IQGAP3: variants seen among roughly 807,000 people sequenced by gnomAD.
The protein encoded by IQGAP3 is ras GTPase-activating-like protein IQGAP3.
Under a neutral mutation model 208.2 loss-of-function variants are expected in IQGAP3, and 165 were observed. The observed-to-expected ratio is 0.79, with a 90% CI of 0.70 to 0.90. The LOEUF (loss-of-function observed/expected upper bound fraction) is 0.90. Among genes scored for constraint, IQGAP3 ranks in the 40% least tolerant of loss-of-function variants. IQGAP3 has a pLI of 0.00. For missense variants in IQGAP3, 1,811 were observed against 2,043.1 expected (o/e 0.89, Z 2.19); for synonymous variants, 703 against 803.6 (o/e 0.87, Z 2.12).
Position 156,526,353 on chromosome 1 carries a change from G to A in IQGAP3, c.*133C>T, listed in dbSNP as rs1674057291. 3.0e-6 allele frequency: 2 copies of A among 656,446 alleles called. No individual in the cohort carries two copies. The highest frequency in any genetic ancestry group is 5.4e-5 in the East Asian group (2 of 36,948). 40.7% of individuals were successfully genotyped at this position (656,446 alleles called of 1,614,324 possible). A position where few individuals can be genotyped will look rare whatever the true frequency, so the allele number is the denominator to read the frequency against. On this transcript the variant is annotated 3_prime_UTR_variant, in exon 38 of 38. Coordinates refer to ENST00000361170, the MANE Select transcript of IQGAP3 (RefSeq NM_178229.5). ...AGGCAGGCAAGCTCCTCCCAGCTGG[G>A]GAAGGGGTGAGAATCCCTGGGCCTT... is the stretch of plus-strand genomic sequence containing the variant.
chr1:156,555,747 A>G (rs1006448884), intron 12 of IQGAP3, among the ~76,000 whole-genome samples: 73 of 152,188 alleles, frequency 4.8e-4, no homozygotes, highest in African/African-American at 1.6e-3. Flanking sequence ...AACTTGCCCA[A>G]TGTCACATAG....
In IQGAP3 at chr1:156,530,212, G is replaced by A. The variant is rs1169864817; in HGVS notation, c.4297C>T (p.Leu1433=). 6.2e-7 allele frequency: 1 copy of A among 1,613,374 alleles called. No individual in the cohort carries two copies. The change falls in exon 34 of 38, where the codon CTG becomes TTG. Residue 1433 remains leucine, a synonymous_variant. Transcript: ENST00000361170. ...RSLTAHSLLP[L]AEKQRRVLRN... ...AGGACGCGCCGCTGCTTCTCTGCCA[G>A]TGGCAGGAGGGAGTGAGCTGTCAGT...
At chr1:156,527,538 G>A (rs781478798) in intron 37 of IQGAP3, among the ~76,000 whole-genome samples, 14 of 152,088 alleles carry the variant, frequency 9.2e-5, no homozygotes, top group East Asian at 1.9e-4. Context: ...CAAAAACACC[G>A]TTGCTTCACT....
At position 156,544,405 on chromosome 1, in the gene IQGAP3, AG is replaced by A. The variant is rs770189290; in HGVS notation, c.2371del (p.Leu791TrpfsTer4). On this transcript the variant is annotated frameshift_variant, in exon 20 of 38. Coordinates refer to ENST00000361170, the MANE Select transcript of IQGAP3 (RefSeq NM_178229.5). LOFTEE classifies it high-confidence loss of function. ...CGTAGCTACCTTGATTATGGCATCC[AG>A]GTTTGCTTTAAAATACTGCAACCAC... ...LEWLQYFKAN[L>X]DAIIKIQAWA... is the part of the protein sequence containing the mutation. 8.7e-6 allele frequency: 14 copies of A among 1,613,732 alleles called. No homozygotes were observed. In the African/African-American group the frequency reaches 1.7e-4, roughly 20 times the overall value.
chr1:156,527,741 C>CT (rs1374311229), intron 37 of IQGAP3, among the ~76,000 whole-genome samples: 3 of 152,228 alleles, frequency 2.0e-5, no homozygotes, highest in Non-Finnish European at 2.9e-5. Flanking sequence ...CTCCCTGATG[C>CT]TTGCCAGTGG....
At chr1:156,552,672 C>T (rs1675611812) in intron 13 of IQGAP3, among the ~76,000 whole-genome samples, 1 of 152,240 alleles carries the variant, frequency 6.6e-6, no homozygotes, top group Admixed American at 6.5e-5. Context: ...GCCAAGCCCC[C>T]ATCATCTCTT....
At chr1:156,541,067 A>C (rs760784477) in intron 22 of IQGAP3, 151 bp from the exon 23 acceptor site, 13 of 644,548 alleles carry the variant, frequency 2.0e-5, no homozygotes, top group Non-Finnish European at 3.1e-5. Flanking sequence ...TTCTGCTTGC[A>C]CTTGGAGGGC....
Position 156,548,621 on chromosome 1 carries a change from C to T in IQGAP3, c.1953G>A (p.Gln651=), listed in dbSNP as rs773982347. ...GVVPDCANGY[Q]RALESAMAKK... ...TTGCCATGGCACTTTCCAGGGCTCG[C>T]TGGTAGCCGTTGGCACAGTCGGGAA... The change falls in exon 17 of 38, where the codon CAG becomes CAA. Residue 651 remains glutamine (Q), a synonymous_variant. Coordinates refer to ENST00000361170, the MANE Select transcript of IQGAP3 (RefSeq NM_178229.5). The T allele has an allele frequency of 6.2e-7, 1 of 1,608,794 alleles. No homozygotes were observed. The highest frequency in any genetic ancestry group is 1.1e-5 in the South Asian group (1 of 90,510).
At chr1:156,567,258 T>A (rs988937334) in intron 2 of IQGAP3, among the ~76,000 whole-genome samples, 3 of 152,220 alleles carry the variant, frequency 2.0e-5, no homozygotes, top group Non-Finnish European at 4.4e-5. Flanking sequence ...AGAAAGGTCA[T>A]GTCTGCCTGA....
intron 26 of IQGAP3, among the ~76,000 whole-genome samples, chr1:156,537,950 T>C (rs908680235): frequency 1.3e-5 from 2 of 151,170 alleles, no homozygotes; most frequent in African/African-American, 4.9e-5. Context: ...AGAGCTGGAG[T>C]GCAGTGGTGC....
rs1483083100 is a variant in IQGAP3, at chr1:156,550,369, A to G, written c.1735-18T>C. ...CCTGTCACCTGGCAGATTGAGGGAG[A>G]AAAAAAAGATGTGACCCCAAGCTAG... On this transcript the variant is annotated intron_variant, in intron 15 of 37. Transcript: ENST00000361170. 6.3e-7 allele frequency: 1 copy of G among 1,595,054 alleles called. No homozygotes were observed. The highest frequency in any genetic ancestry group is 8.6e-7 in the Non-Finnish European group (1 of 1,163,964).
At chr1:156,564,363 C>T (rs865916566) in intron 5 of IQGAP3, among the ~76,000 whole-genome samples, 2 of 152,254 alleles carry the variant, frequency 1.3e-5, no homozygotes, top group South Asian at 2.1e-4. Flanking sequence ...AAACTGAAGG[C>T]CCTACCCTGC....
intron 11 of IQGAP3, among the ~76,000 whole-genome samples, chr1:156,559,495 T>G (rs1676048773): frequency 2.0e-5 from 3 of 152,192 alleles, no homozygotes; most frequent in Non-Finnish European, 2.9e-5. Flanking sequence ...GTACCTACAG[T>G]GCACTGCTGT....
rs371804727 is a variant in IQGAP3 at position 156,531,659 on chromosome 1, C to T, written c.4104-412G>A. Among the ~76,000 whole-genome samples, 9 of 143,756 alleles carry T rather than the reference C, an allele frequency of 6.3e-5. No homozygotes were observed. The East Asian group carries it at 1.9e-3, about 31-fold the overall frequency. The allele number at this position is 143,756 out of a possible 152,430, so 94.3% of individuals were successfully genotyped here. A position where few individuals can be genotyped will look rare whatever the true frequency, so the allele number is the denominator to read the frequency against. ...CACTCCTGTCACCCAGGCTGGAGTGCAATGGCATGATCTCGGCTCACTGCA... is the reference window on the plus strand; with the variant it reads ...CACTCCTGTCACCCAGGCTGGAGTGTAATGGCATGATCTCGGCTCACTGCA... On this transcript the variant is annotated intron_variant, in intron 32 of 37. Coordinates refer to ENST00000361170, the MANE Select transcript of IQGAP3 (RefSeq NM_178229.5).
In IQGAP3 at chr1:156,530,190, A is replaced by C. The variant is rs764813770; in HGVS notation, c.4319T>G (p.Val1440Gly). Residue 1440 changes from valine (V) to glycine (G), a missense_variant, in exon 34 of 38, where the codon GTC becomes GGC. Physicochemically the swap from Val to Gly is moderately radical, Grantham distance 109 (BLOSUM62 -3). Coordinates refer to ENST00000361170, the MANE Select transcript of IQGAP3 (RefSeq NM_178229.5). ...TTCAAGTCGGCGTAGGTTCCGCAGG[A>C]CGCGCCGCTGCTTCTCTGCCAGTGG... Reference protein sequence around the residue: ...LLPLAEKQRRVLRNLRRLEAL... With the variant: ...LLPLAEKQRRGLRNLRRLEAL... 3.1e-6 allele frequency: 5 copies of C among 1,612,580 alleles called. No homozygotes were observed. The highest frequency in any genetic ancestry group is 4.2e-6 in the Non-Finnish European group (5 of 1,179,678).
chr1:156,529,404 G>A (rs1557915121), intron 34 of IQGAP3, among the ~76,000 whole-genome samples: 2 of 151,842 alleles, frequency 1.3e-5, no homozygotes, highest in Non-Finnish European at 2.9e-5. Flanking sequence ...CAAACCTTCT[G>A]ACCTGGGCAC....
chr1:156,561,767 CT>C (rs1676159006), intron 10 of IQGAP3, 70 bp downstream of exon 10: 1 of 1,475,668 alleles, frequency 6.8e-7, no homozygotes, highest in African/African-American at 1.4e-5. Flanking sequence ...CAGTGGTGAT[CT>C]TTGAGTAAGA....
chr1:156,543,457 A>G (rs544430892), intron 22 of IQGAP3, among the ~76,000 whole-genome samples: 1 of 152,350 alleles, frequency 6.6e-6, no homozygotes, highest in Non-Finnish European at 1.5e-5. Context: ...TTTCACAAAA[A>G]GGAAGGGGAT....
intron 2 of IQGAP3, 56 bp from the exon 3 acceptor site, chr1:156,566,602 TAAC>T (rs1358954638): frequency 6.4e-6 from 10 of 1,564,496 alleles, no homozygotes; most frequent in African/African-American, 2.7e-5. Context: ...TGATTTATTC[TAAC>T]AACAGGAACT....
Sources: gnomAD v4.1 joint callset for allele counts (sites outside exome capture counted in the v4.1 genomes callset) on GRCh38, gnomAD v4.1.1 for gene constraint, MANE v1.5 for transcripts, NCBI Gene and HGNC (gene_info 2026-07-23, HGNC 2026-07-21) for gene names.